Variants in ITCH observed in about 807,000 individuals in gnomAD.
The protein encoded by ITCH is itchy E3 ubiquitin protein ligase.
A neutral mutation model predicts 126.8 loss-of-function variants in ITCH; 28 were observed. The observed-to-expected ratio is 0.22, with a 90% CI of 0.16 to 0.30. The LOEUF (loss-of-function observed/expected upper bound fraction) is 0.30, where lower values mean the gene tolerates loss of function less well. Among genes scored for constraint, ITCH ranks in the 10% least tolerant of loss-of-function variants. The probability of loss-of-function intolerance (pLI) is 1.00; values close to 1 mark genes in which losing one functional copy is unlikely to be tolerated. For synonymous variants in ITCH, 342 were observed against 340.0 expected, an observed-to-expected ratio of 1.01 and a Z score of -0.06; for missense variants, 631 against 1,032.4, an observed-to-expected ratio of 0.61 and a Z score of 5.33.
chr20:34,457,579 G>A (rs1324277431), intron 13 of ITCH, 105 bp downstream of exon 13: 31 of 771,514 alleles, frequency 4.0e-5, no homozygotes, highest in Middle Eastern at 4.8e-4. Flanking sequence ...GACCTAAAAC[G>A]TTAATCACCT....
chr20:34,495,605 T>C (rs1430062728), intron 23 of ITCH, among the ~76,000 whole-genome samples: 1 of 152,090 alleles, frequency 6.6e-6, no homozygotes, highest in African/African-American at 2.4e-5. Context: ...TTGTCATAAA[T>C]GACAGAATTT....
intron 17 of ITCH, 46 bp downstream of exon 17, chr20:34,477,906 G>C: frequency 3.7e-6 from 6 of 1,611,070 alleles, no homozygotes; most frequent in Non-Finnish European, 5.1e-6. Flanking sequence ...TTCCTCCAAA[G>C]GTACCATTGC....
intron 3 of ITCH, among the ~76,000 whole-genome samples, chr20:34,400,192 C>T (rs1048483692): frequency 6.6e-6 from 1 of 152,116 alleles, no homozygotes; most frequent in African/African-American, 2.4e-5. Flanking sequence ...CCACCTCAGC[C>T]TCCCAAAGTG....
chr20:34,479,543 A>C, intron 17 of ITCH, 87 bp from the exon 18 acceptor site: 1 of 1,070,620 alleles, frequency 9.3e-7, no homozygotes. Context: ...GCTGAGGGGT[A>C]TAGATCCCTG....
chr20:34,374,892 A>AC (rs942475544), intron 2 of ITCH, among the ~76,000 whole-genome samples: 1 of 151,816 alleles, frequency 6.6e-6, no homozygotes, highest in African/African-American at 2.4e-5. Context: ...GGTGCTCTCC[A>AC]CCACGCCTGG....
rs1237001990 is a variant in ITCH at position 34,440,304 on chromosome 20, A to G, written c.829A>G (p.Arg277Gly). The change falls in exon 9 of 25, where the codon AGG becomes GGG. Residue 277 changes from arginine to glycine, a missense_variant. Transcript: ENST00000374864. ...TACTATATCTGGAGGCTCAGGCCCTAGGCCATTAAATCCTGTAACTCAAGC... is the reference window on the plus strand; with the variant it reads ...TACTATATCTGGAGGCTCAGGCCCTGGGCCATTAAATCCTGTAACTCAAGC... The part of the protein sequence containing the change: ...PLTISGGSGP[R>G]PLNPVTQAPL... 4 of 1,614,142 alleles carry G rather than the reference A, an allele frequency of 2.5e-6. No homozygotes were observed. The Admixed American group carries it at 5.0e-5, about 20-fold the overall frequency.
At chr20:34,457,306 T>G (rs1600389717) in intron 12 of ITCH, 84 bp from the exon 13 acceptor site, 1 of 914,206 alleles carries the variant, frequency 1.1e-6, no homozygotes, top group Non-Finnish European at 1.8e-6. Flanking sequence ...AATGGGCAAA[T>G]TCAAATAATT....
At position 34,474,815 on chromosome 20, in the gene ITCH, C is replaced by A. The variant is rs530691288; in HGVS notation, c.1570-2957C>A. Among the ~76,000 whole-genome samples the A allele has an allele frequency of 1.2e-3, 186 of 151,810 alleles. 1 individual carries two copies. The highest frequency in any genetic ancestry group is 4.4e-3 in the African/African-American group (182 of 41,392). On this transcript the variant is annotated intron_variant, in intron 16 of 24. Transcript: ENST00000374864. ...GGGGCTGACCCCCCCACCTCCCTCC[C>A]GGACAGGGTGGCTGCCGGGTGGAGA...
At chr20:34,429,805 A>G (rs937968503) in intron 7 of ITCH, among the ~76,000 whole-genome samples, 13 of 118,060 alleles carry the variant, frequency 1.1e-4, no homozygotes, top group African/African-American at 3.7e-4. Context: ...GTTTTAAAAG[A>G]TGTAAATTAA....
chr20:34,462,263 T>C, intron 14 of ITCH, 42 bp downstream of exon 14: 1 of 1,590,930 alleles, frequency 6.3e-7, no homozygotes, highest in Non-Finnish European at 8.6e-7. Flanking sequence ...AAAATACTAG[T>C]CCTTCAGATT....
rs76218358 is a variant in ITCH, at chr20:34,476,023, G to A, written c.1570-1749G>A. ...CCATAGATTTTGTCAAACAGATTTGGCAGCCCAACTGTGATCTGTTAGTCC... is the reference window on the plus strand; with the variant it reads ...CCATAGATTTTGTCAAACAGATTTGACAGCCCAACTGTGATCTGTTAGTCC... On this transcript the variant is annotated intron_variant, in intron 16 of 24. Coordinates refer to ENST00000374864, the MANE Select transcript of ITCH (RefSeq NM_031483.7). The A allele has an allele frequency of 7.2e-3, 11,461 of 1,585,186 alleles. 256 individuals are homozygous for A. The highest frequency in any genetic ancestry group is 0.06 in the African/African-American group (4,502 of 74,426).
At chr20:34,479,201 A>G (rs901192811) in intron 17 of ITCH, among the ~76,000 whole-genome samples, 2 of 152,174 alleles carry the variant, frequency 1.3e-5, no homozygotes, top group African/African-American at 4.8e-5. Context: ...GGGACTTAGT[A>G]ATAGATGGAA....
intron 2 of ITCH, among the ~76,000 whole-genome samples, chr20:34,376,125 G>T (rs1330527137): frequency 6.6e-6 from 1 of 152,086 alleles, no homozygotes; most frequent in East Asian, 1.9e-4. Flanking sequence ...AATTTGTCTT[G>T]TGGCTTGCTG....
At chr20:34,393,604 G>A (rs892795356) in intron 2 of ITCH, among the ~76,000 whole-genome samples, 187 bp from the exon 3 acceptor site, 6 of 152,146 alleles carry the variant, frequency 3.9e-5, no homozygotes, top group Non-Finnish European at 7.4e-5. Flanking sequence ...TGGAGGAGGG[G>A]ATGAACAGCC....
chr20:34,379,594 CTTTT>C (rs757940621), intron 2 of ITCH, among the ~76,000 whole-genome samples: 3 of 135,526 alleles, frequency 2.2e-5, no homozygotes, highest in Non-Finnish European at 3.2e-5. Flanking sequence ...AATATTTGTC[CTTTT>C]TTTTTTTTTT....
At chr20:34,438,654 C>A in intron 8 of ITCH, 23 bp downstream of exon 8, 1 of 1,612,880 alleles carries the variant, frequency 6.2e-7, no homozygotes, top group Non-Finnish European at 8.5e-7. Context: ...GCTCTCAATA[C>A]TCTTGGAAAT....
Position 34,483,732 on chromosome 20 carries a change from C to A in ITCH, c.2093+2526C>A, listed in dbSNP as rs555364011. Among the ~76,000 whole-genome samples, 11 of 152,330 alleles carry A rather than the reference C, an allele frequency of 7.2e-5. No individual in the cohort carries two copies. The South Asian group carries it at 1.9e-3, about 26-fold the overall frequency. ...AAACTGTTCCAACGTCTGCCTGTTACCCAGTTCTAAAGTTGCATCCACATT... is the reference window on the plus strand; with the variant it reads ...AAACTGTTCCAACGTCTGCCTGTTAACCAGTTCTAAAGTTGCATCCACATT... On this transcript the variant is annotated intron_variant, in intron 20 of 24. Coordinates refer to ENST00000374864, the MANE Select transcript of ITCH (RefSeq NM_031483.7).
Position 34,471,423 on chromosome 20 carries a change from TA to T in ITCH, c.1498-19del. 1 of 1,477,196 alleles carries T rather than the reference TA, an allele frequency of 6.8e-7. No individual in the cohort carries two copies. The highest frequency in any genetic ancestry group is 9.5e-7 in the Non-Finnish European group (1 of 1,055,020). The allele number at this position is 1,477,196 out of a possible 1,614,324, so 91.5% of individuals were successfully genotyped here. ...GCTATTTTAATGATGAGAGTTGACT[TA>T]AGTCATTCTTCTATTTCAGCAACTG... On this transcript the variant is annotated intron_variant, in intron 15 of 24. Coordinates refer to ENST00000374864, the MANE Select transcript of ITCH (RefSeq NM_031483.7).
At chr20:34,486,660 A>G (rs894945584) in intron 20 of ITCH, among the ~76,000 whole-genome samples, 2 of 123,484 alleles carry the variant, frequency 1.6e-5, no homozygotes, top group Non-Finnish European at 3.7e-5. Context: ...TCACTATTTT[A>G]TTTATTTTAT....
Sources: allele counts gnomAD v4.1 joint callset (sites outside exome capture counted in the v4.1 genomes callset), GRCh38; gene constraint gnomAD v4.1.1; transcripts MANE v1.5; gene names NCBI Gene and HGNC (gene_info 2026-07-23, HGNC 2026-07-21).